FGF3: variants seen among roughly 807,000 people sequenced by gnomAD.
FGF3 encodes the protein fibroblast growth factor 3.
FGF3 carries 7 observed loss-of-function variants against 9.8 expected under a neutral mutation model. That is an observed-to-expected ratio of 0.72 (90% confidence interval 0.41 to 1.35). The LOEUF is 1.35. Ranked by LOEUF, FGF3 falls within the 40% of genes most tolerant of loss-of-function variation. The probability of loss-of-function intolerance (pLI) is 0.01; values close to 1 mark genes in which losing one functional copy is unlikely to be tolerated. For synonymous variants in FGF3, 173 were observed against 157.2 expected (o/e 1.10, Z -0.75); for missense variants, 390 against 345.6 (o/e 1.13, Z -1.02).
chr11:69,816,897 G>A (rs1384053524), intron 1 of FGF3, among the ~76,000 whole-genome samples: 1 of 152,192 alleles, frequency 6.6e-6, no homozygotes, highest in Non-Finnish European at 1.5e-5. Context: ...GGAAAGCTGG[G>A]CCCTGATGAG....
rs781923153 is a variant in FGF3 at position 69,818,858 on chromosome 11, G to A, written c.76C>T (p.Arg26Trp). The part of the protein sequence containing the change: ...WPAAGPGARL[R>W]RDAGGRGGVY... ...CCGCCACGGCCGCCCGCATCGCGCC[G>A]CAACCGCGCCCCAGGGCCCGCTGCG... Residue 26 changes from arginine (R) to tryptophan (W), a missense_variant, in exon 1 of 3, where the codon CGG becomes TGG. Coordinates refer to ENST00000334134, the MANE Select transcript of FGF3 (RefSeq NM_005247.4). 1 of 1,465,900 alleles carries A rather than the reference G, an allele frequency of 6.8e-7. No individual in the cohort carries two copies. 90.8% of individuals were successfully genotyped at this position (1,465,900 alleles called of 1,614,324 possible). A position where few individuals can be genotyped will look rare whatever the true frequency, so the allele number is the denominator to read the frequency against.
At chr11:69,818,478 C>T (rs915530701) in intron 1 of FGF3, among the ~76,000 whole-genome samples, 10 of 152,208 alleles carry the variant, frequency 6.6e-5, no homozygotes, top group African/African-American at 2.4e-4. Context: ...CTGCTCGAAC[C>T]CCAGCGCGCG....
chr11:69,810,190 AG>A lies in FGF3; in HGVS notation c.*114del, dbSNP rs1362669428. ...CCTGATTTGAGCTGGCTCTGGAAAT[AG>A]CTGAGAACCCAGACGCGGGACGCAG... On this transcript the variant is annotated 3_prime_UTR_variant, in exon 3 of 3. Coordinates refer to ENST00000334134, the MANE Select transcript of FGF3 (RefSeq NM_005247.4). 3.4e-5 allele frequency: 36 copies of A among 1,049,436 alleles called. No individual in the cohort carries two copies. Among genetic ancestry groups the A allele is most frequent in the Non-Finnish European group, 4.4e-5 (33 of 746,504 alleles). 65.0% of individuals were successfully genotyped at this position (1,049,436 alleles called of 1,614,324 possible). A position where few individuals can be genotyped will look rare whatever the true frequency, so the allele number is the denominator to read the frequency against.
chr11:69,818,104 G>A (rs1192963008), intron 1 of FGF3, among the ~76,000 whole-genome samples: 1 of 152,064 alleles, frequency 6.6e-6, no homozygotes, highest in African/African-American at 2.4e-5. Flanking sequence ...AATAACTGTC[G>A]GTGGCGGCCG....
At position 69,819,065 on chromosome 11, in the gene FGF3, G is replaced by T. The variant is rs1237045840; in HGVS notation, c.-132C>A. 2.0e-6 allele frequency: 1 copy of T among 506,516 alleles called. No homozygotes were observed. Among genetic ancestry groups the T allele is most frequent in the Non-Finnish European group, 3.3e-6 (1 of 303,432 alleles). 31.4% of individuals were successfully genotyped at this position (506,516 alleles called of 1,614,324 possible). ...GCCTGGAGATGCTGACTCCGGCTTCGCGGGAAAGGTGGGGGAAGAAGGGGG... is the reference window on the plus strand; with the variant it reads ...GCCTGGAGATGCTGACTCCGGCTTCTCGGGAAAGGTGGGGGAAGAAGGGGG... On this transcript the variant is annotated 5_prime_UTR_variant, in exon 1 of 3. Transcript: ENST00000334134.
Position 69,810,591 on chromosome 11 carries a change from C to G in FGF3, c.434G>C (p.Arg145Pro), listed in dbSNP as rs782088765. Residue 145 changes from arginine to proline, a missense_variant, in exon 3 of 3, where the codon CGG becomes CCG. Physicochemically the swap from Arg to Pro is moderately radical, Grantham distance 103. Transcript: ENST00000334134. ...CCACAGTCTCTCGGCGCTGGGCTGCCGGCGGGCCCCAGGCGTACTAGACAC... is the reference window on the plus strand; with the variant it reads ...CCACAGTCTCTCGGCGCTGGGCTGCGGGCGGGCCCCAGGCGTACTAGACAC... ...RTVSSTPGAR[R>P]QPSAERLWYV... is the part of the protein sequence containing the mutation. 1 of 1,611,172 alleles carries G rather than the reference C, an allele frequency of 6.2e-7. No homozygotes were observed. The highest frequency in any genetic ancestry group is 8.5e-7 in the Non-Finnish European group (1 of 1,178,592).
chr11:69,813,555 GA>G (rs1394728695), intron 2 of FGF3, among the ~76,000 whole-genome samples: 1 of 151,200 alleles, frequency 6.6e-6, no homozygotes, highest in Non-Finnish European at 1.5e-5. Flanking sequence ...TGGGTGGATG[GA>G]TGGATGGATG....
chr11:69,815,204 T>C (rs1339340201), intron 2 of FGF3, among the ~76,000 whole-genome samples: 1 of 138,594 alleles, frequency 7.2e-6, no homozygotes, highest in Non-Finnish European at 1.5e-5. Context: ...GATGGATGGA[T>C]AGGTGGATGG....
chr11:69,816,277 C>T (rs782471544), intron 2 of FGF3, 43 bp downstream of exon 2: 33 of 1,456,828 alleles, frequency 2.3e-5, no homozygotes, highest in East Asian at 4.5e-5. Flanking sequence ...CAGGCCAGAC[C>T]GCTACTCCGT....
rs1253284918 is a variant in FGF3, at chr11:69,810,209, G to A, written c.*96C>T. ...GGAAATAGCTGAGAACCCAGACGCG[G>A]GACGCAGGGGCAAGGGCTCAAGGAG... On this transcript the variant is annotated 3_prime_UTR_variant, in exon 3 of 3. Coordinates refer to ENST00000334134, the MANE Select transcript of FGF3 (RefSeq NM_005247.4). 1.9e-5 allele frequency: 23 copies of A among 1,209,338 alleles called. No individual in the cohort carries two copies. 74.9% of individuals were successfully genotyped at this position (1,209,338 alleles called of 1,614,324 possible).
At position 69,810,618 on chromosome 11, in the gene FGF3, G is replaced by A. The variant is rs782272422; in HGVS notation, c.407C>T (p.Thr136Met). ...GCGGGCCCCAGGCGTACTAGACACC[G>A]TCCGGTACAGCCGGGAGGCATACGT... ...YNTYASRLYR[T>M]VSSTPGARRQ... Residue 136 changes from threonine to methionine, a missense_variant, in exon 3 of 3, where the codon ACG becomes ATG. Transcript: ENST00000334134. The A allele has an allele frequency of 1.6e-5, 25 of 1,606,926 alleles. No individual in the cohort carries two copies. Among genetic ancestry groups the A allele is most frequent in the East Asian group, 6.7e-5 (3 of 44,712 alleles).
chr11:69,813,776 A>G lies in FGF3; in HGVS notation c.324+2544T>C, dbSNP rs797025576. Among the ~76,000 whole-genome samples the G allele has an allele frequency of 4.3e-4, 29 of 66,712 alleles. 1 individual carries two copies. Among genetic ancestry groups the G allele is most frequent in the African/African-American group, 5.8e-4 (12 of 20,782 alleles). 43.8% of individuals were successfully genotyped at this position (66,712 alleles called of 152,430 possible). On this transcript the variant is annotated intron_variant, in intron 2 of 2. Transcript: ENST00000334134. The stretch of plus-strand genomic sequence containing the variant: ...GATGGATGGGTGGATGGGTGGATGG[A>G]TGGATGGATGGATGGATGGATGGAT...
chr11:69,810,605 C>G lies in FGF3; in HGVS notation c.420G>C (p.Thr140=), dbSNP rs370444194. 7 of 1,610,462 alleles carry G rather than the reference C, an allele frequency of 4.3e-6. No individual in the cohort carries two copies. Among genetic ancestry groups the G allele is most frequent in the South Asian group, 1.1e-5 (1 of 90,910 alleles). The change falls in exon 3 of 3, where the codon ACG becomes ACC. Residue 140 remains threonine (T), a synonymous_variant. Coordinates refer to ENST00000334134, the MANE Select transcript of FGF3 (RefSeq NM_005247.4). ...ASRLYRTVSS[T]PGARRQPSAE... Reference sequence around the variant, plus strand: ...CGCTGGGCTGCCGGCGGGCCCCAGGCGTACTAGACACCGTCCGGTACAGCC... The same window carrying G: ...CGCTGGGCTGCCGGCGGGCCCCAGGGGTACTAGACACCGTCCGGTACAGCC...
intron 2 of FGF3, among the ~76,000 whole-genome samples, chr11:69,813,544 G>GTGGGTGGATGGATGGATGGA (rs1554980657): frequency 6.7e-6 from 1 of 150,342 alleles, no homozygotes; most frequent in African/African-American, 2.5e-5. Context: ...TGTCAGATGG[G>GTGGGTGGATGGATGGATGGA]TGGGTGGATG....
intron 2 of FGF3, among the ~76,000 whole-genome samples, chr11:69,813,596 GTGGA>G (rs1362257921): frequency 3.0e-5 from 2 of 67,210 alleles, no homozygotes; most frequent in Non-Finnish European, 6.5e-5. Flanking sequence ...AGATGGGTGG[GTGGA>G]TGGATGGATG....
At chr11:69,814,622 G>A (rs11263592) in intron 2 of FGF3, among the ~76,000 whole-genome samples, 75,042 of 151,884 alleles carry the variant, frequency 0.49, 18,813 homozygotes, top group East Asian at 0.62. Context: ...CAAGCTGGCC[G>A]CACGCAGGAC....
Position 69,816,439 on chromosome 11 carries a change from G to A in FGF3, c.221-16C>T, listed in dbSNP as rs782340630. The A allele has an allele frequency of 2.5e-6, 4 of 1,598,690 alleles. No individual in the cohort carries two copies. Among genetic ancestry groups the A allele is most frequent in the African/African-American group, 2.7e-5 (2 of 74,606 alleles). On this transcript the variant is annotated splice_polypyrimidine_tract_variant and intron_variant, in intron 1 of 2. Coordinates refer to ENST00000334134, the MANE Select transcript of FGF3 (RefSeq NM_005247.4). ...TCCAAAATACCTAGAAGAAATGAGA[G>A]GTGCCTCACTCCCGCCGCCCCCACG... is the stretch of plus-strand genomic sequence containing the variant.
intron 1 of FGF3, among the ~76,000 whole-genome samples, chr11:69,818,284 T>C (rs1554981315): frequency 6.6e-6 from 1 of 152,156 alleles, no homozygotes; most frequent in Non-Finnish European, 1.5e-5. Context: ...ATAAATGCCT[T>C]GTCCGGCTCC....
In FGF3 at chr11:69,810,234, G is replaced by T; in HGVS notation, c.*71C>A. On this transcript the variant is annotated 3_prime_UTR_variant, in exon 3 of 3. Coordinates refer to ENST00000334134, the MANE Select transcript of FGF3 (RefSeq NM_005247.4). ...GGACGCAGGGGCAAGGGCTCAAGGA[G>T]GAGAGTCAGAGTCAAGAGGCTGCCA... The T allele has an allele frequency of 7.2e-7, 1 of 1,386,398 alleles. No homozygotes were observed. The highest frequency in any genetic ancestry group is 9.7e-7 in the Non-Finnish European group (1 of 1,029,964). The allele number at this position is 1,386,398 out of a possible 1,614,324, so 85.9% of individuals were successfully genotyped here. A position where few individuals can be genotyped will look rare whatever the true frequency, so the allele number is the denominator to read the frequency against.
Sources: gnomAD v4.1 joint callset for allele counts (sites outside exome capture counted in the v4.1 genomes callset) on GRCh38, gnomAD v4.1.1 for gene constraint, MANE v1.5 for transcripts, NCBI Gene and HGNC (gene_info 2026-07-23, HGNC 2026-07-21) for gene names.